The following PARD3B variants were observed in gnomAD, a reference collection of about 807,000 sequenced individuals.
The protein encoded by PARD3B is partitioning defective 3 homolog B.
PARD3B carries 103 observed loss-of-function variants against 130.2 expected under a neutral mutation model. That is an observed-to-expected ratio of 0.79 (90% CI 0.67 to 0.93). The LOEUF is 0.93. PARD3B is among the 40% of genes least tolerant of loss of function. The pLI is 0.00. For synonymous variants in PARD3B, 583 were observed against 553.2 expected, an observed-to-expected ratio of 1.05 and a Z score of -0.76; for missense variants, 1,609 against 1,499.2, an observed-to-expected ratio of 1.07 and a Z score of -1.21.
chr2:205,219,814 G>T lies in PARD3B; in HGVS notation c.2141-25964G>T, dbSNP rs139864070. ...AAATACCATGGAATGATCAGAAAAT[G>T]TTTTCACCCAGCCAGGAAATCTCAC... On this transcript the variant is annotated intron_variant, in intron 15 of 22. Transcript: ENST00000406610. Among the ~76,000 whole-genome samples, 679 of 152,242 alleles carry T rather than the reference G, an allele frequency of 4.5e-3. 3 individuals carry two copies. The highest frequency in any genetic ancestry group is 7.9e-3 in the Non-Finnish European group (537 of 68,020).
At chr2:205,491,117 C>A (rs1297483570) in intron 20 of PARD3B, among the ~76,000 whole-genome samples, 2 of 152,118 alleles carry the variant, frequency 1.3e-5, no homozygotes, top group Admixed American at 6.5e-5. Context: ...TTAATTAGAT[C>A]CCATTTGTCA....
At position 205,244,388 on chromosome 2, in the gene PARD3B, G is replaced by C. The variant is rs1052230301; in HGVS notation, c.2141-1390G>C. On this transcript the variant is annotated intron_variant, in intron 15 of 22. Coordinates refer to ENST00000406610, the MANE Select transcript of PARD3B (RefSeq NM_001302769.2). This position sits in a 1 kb window ranked among gnomAD's most constrained non-coding sequence, Gnocchi z 4.7. ...TGGCACATGGTAATAAACAGCTTTT[G>C]TTGAATATTAAAGTGATGATCTATG... Among the ~76,000 whole-genome samples, 3 of 152,194 alleles carry C rather than the reference G, an allele frequency of 2.0e-5. No individual in the cohort carries two copies. Among genetic ancestry groups the C allele is most frequent in the African/African-American group, 7.2e-5 (3 of 41,448 alleles).
At chr2:204,641,572 C>T (rs186687145) in intron 1 of PARD3B, among the ~76,000 whole-genome samples, 1 of 151,864 alleles carries the variant, frequency 6.6e-6, no homozygotes, top group East Asian at 1.9e-4. Context: ...GTAGTCCTTT[C>T]TTGAGGGGAA....
chr2:205,124,425 A>G lies in PARD3B; in HGVS notation c.1264A>G (p.Ile422Val). ...VKNILPKGAAIKDGRLQSGDR... is the reference protein window; with the variant it reads ...VKNILPKGAAVKDGRLQSGDR... ...AAACATTTTACCAAAGGGAGCAGCA[A>G]TAAAAGATGGCCGCCTACAATCAGG... Residue 422 changes from isoleucine to valine, a missense_variant, in exon 9 of 23, where the codon ATA becomes GTA. By Grantham distance (29) the Ile-to-Val change is conservative. Transcript: ENST00000406610. 1 of 1,604,434 alleles carries G rather than the reference A, an allele frequency of 6.2e-7. No individual in the cohort carries two copies. Among genetic ancestry groups the G allele is most frequent in the South Asian group, 1.1e-5 (1 of 88,880 alleles).
intron 11 of PARD3B, among the ~76,000 whole-genome samples, chr2:205,162,272 C>T (rs1028522788): frequency 6.6e-6 from 1 of 152,216 alleles, no homozygotes; most frequent in Non-Finnish European, 1.5e-5. Context: ...CAAGTCTGTA[C>T]ATTAAGAAAT....
At chr2:204,977,887 C>T (rs1692329382) in intron 3 of PARD3B, among the ~76,000 whole-genome samples, 1 of 150,476 alleles carries the variant, frequency 6.6e-6, no homozygotes, top group East Asian at 2.0e-4. Flanking sequence ...GGAGAAAATT[C>T]TTACATATCT....
At position 205,308,504 on chromosome 2, in the gene PARD3B, G is replaced by A. The variant is rs892436120; in HGVS notation, c.2630+6803G>A. On this transcript the variant is annotated intron_variant, in intron 18 of 22. Transcript: ENST00000406610. The stretch of plus-strand genomic sequence containing the variant: ...CGCCTGTAGTCCCAGCTACTCAGGA[G>A]GCTGAGGCAGGAGAATGGCGTGAAC... Among the ~76,000 whole-genome samples, 4 of 151,930 alleles carry A rather than the reference G, an allele frequency of 2.6e-5. No individual in the cohort carries two copies. The South Asian group carries it at 8.3e-4, about 32-fold the overall frequency.
chr2:204,952,725 G>A (rs879396012), intron 2 of PARD3B, among the ~76,000 whole-genome samples: 9 of 152,052 alleles, frequency 5.9e-5, no homozygotes, highest in African/African-American at 2.2e-4. Flanking sequence ...ACGGTCAGGC[G>A]CGGTGGCTCA....
chr2:205,189,924 A>G (rs1262185872), intron 14 of PARD3B, among the ~76,000 whole-genome samples: 1 of 152,212 alleles, frequency 6.6e-6, no homozygotes, highest in African/African-American at 2.4e-5. Context: ...AATCAAAATG[A>G]TGGTAACATA....
intron 22 of PARD3B, among the ~76,000 whole-genome samples, chr2:205,598,701 G>A (rs188143186): frequency 1.2e-4 from 18 of 152,120 alleles, no homozygotes; most frequent in East Asian, 1.9e-4. Flanking sequence ...ACCTAAGATC[G>A]GCCACGTGCT....
At chr2:205,439,962 A>G (rs1449429238) in intron 19 of PARD3B, among the ~76,000 whole-genome samples, 2 of 152,192 alleles carry the variant, frequency 1.3e-5, no homozygotes, top group African/African-American at 4.8e-5. Context: ...GAAGTCGTAG[A>G]AAAACTAGAG....
At chr2:204,762,908 A>G (rs1403957384) in intron 2 of PARD3B, among the ~76,000 whole-genome samples, 2 of 151,854 alleles carry the variant, frequency 1.3e-5, no homozygotes, top group African/African-American at 4.8e-5. Context: ...TTATAGGCAT[A>G]TGCCACCATG....
At chr2:205,613,077 G>A (rs1407556185) in intron 22 of PARD3B, among the ~76,000 whole-genome samples, 1 of 152,228 alleles carries the variant, frequency 6.6e-6, no homozygotes, top group Non-Finnish European at 1.5e-5. Flanking sequence ...TTAAGAGAGA[G>A]AAATCTCCAG....
intron 2 of PARD3B, among the ~76,000 whole-genome samples, chr2:204,750,250 C>T (rs1187434875): frequency 1.3e-5 from 2 of 152,172 alleles, no homozygotes; most frequent in Non-Finnish European, 2.9e-5. Context: ...ACTCCAAGGT[C>T]TGCTTCTGAA....
chr2:205,478,398 G>A (rs1404509991), intron 20 of PARD3B, among the ~76,000 whole-genome samples: 2 of 152,182 alleles, frequency 1.3e-5, no homozygotes, highest in East Asian at 3.8e-4. Context: ...TTAACCTAGA[G>A]CATCACATTG....
In PARD3B at chr2:204,762,116, ATTTTTTTTTTT is replaced by A. The variant is rs968166780; in HGVS notation, c.222+75847_222+75857del. On this transcript the variant is annotated intron_variant, in intron 2 of 22. Transcript: ENST00000406610. ...TTTCTTTTCTTTTCCTTCTTTTTCT[ATTTTTTTTTTT>A]TTTTTTTTTTTTGAGATGGAATCTT... Among the ~76,000 whole-genome samples the A allele has an allele frequency of 8.6e-3, 824 of 95,422 alleles. 11 individuals are homozygous for A. The highest frequency in any genetic ancestry group is 0.031 in the African/African-American group (756 of 24,554). The allele number at this position is 95,422 out of a possible 152,430, so 62.6% of individuals were successfully genotyped here.
chr2:204,991,082 T>A (rs970961521), intron 3 of PARD3B, among the ~76,000 whole-genome samples: 1 of 152,060 alleles, frequency 6.6e-6, no homozygotes, highest in Non-Finnish European at 1.5e-5. Flanking sequence ...CTTTTTTTTT[T>A]TTTATTATAC....
chr2:204,574,249 TTTA>T (rs1226155282), intron 1 of PARD3B, among the ~76,000 whole-genome samples: 1 of 152,232 alleles, frequency 6.6e-6, no homozygotes, highest in African/African-American at 2.4e-5. Flanking sequence ...ATTTCCTAAC[TTTA>T]TTATCATTTA....
chr2:204,973,480 G>A (rs945740769), intron 3 of PARD3B, among the ~76,000 whole-genome samples: 1 of 140,834 alleles, frequency 7.1e-6, no homozygotes, highest in African/African-American at 2.7e-5. Flanking sequence ...TACTGACAAT[G>A]TAAATGTAAT....
Sources: gnomAD v4.1 joint callset for allele counts (sites outside exome capture counted in the v4.1 genomes callset) on GRCh38, gnomAD v4.1.1 for gene constraint, Gnocchi (gnomAD v3.1) non-coding constraint, MANE v1.5 for transcripts, NCBI Gene and HGNC (gene_info 2026-07-23, HGNC 2026-07-21) for gene names.